ERGIC1: variants seen among roughly 807,000 people sequenced by gnomAD.
The protein encoded by ERGIC1 is endoplasmic reticulum-golgi intermediate compartment 1, also known as endoplasmic reticulum-Golgi intermediate compartment protein 1.
In ERGIC1, 19 loss-of-function variants were observed where a neutral mutation model predicts 38.3. That is an observed-to-expected ratio of 0.50 (90% CI 0.35 to 0.73). The LOEUF is 0.73. Ranked by LOEUF, ERGIC1 falls within the 30% of genes least tolerant of loss-of-function variation. The pLI is 0.01. For missense variants in ERGIC1, 294 were observed against 389.2 expected (o/e 0.76, Z 2.06); for synonymous variants, 124 against 157.6 (o/e 0.79, Z 1.60).
intron 1 of ERGIC1, among the ~76,000 whole-genome samples, chr5:172,878,633 G>A (rs771675370): frequency 6.6e-6 from 1 of 152,096 alleles, no homozygotes; most frequent in Non-Finnish European, 1.5e-5. Context: ...AGACAGAGAT[G>A]GACCTTTTTT....
In ERGIC1 at chr5:172,930,736, G is replaced by A. The variant is rs115595590; in HGVS notation, c.542-1700G>A. 2.6e-3 allele frequency among the ~76,000 whole-genome samples: 390 copies of A among 152,302 alleles called. 3 individuals carry two copies. The highest frequency in any genetic ancestry group is 8.5e-3 in the African/African-American group (353 of 41,560). On this transcript the variant is annotated intron_variant, in intron 7 of 9. Transcript: ENST00000393784. Reference sequence around the variant, plus strand: ...AAGTTTTTAACCTAGGGCAATGGGCGTTTGGACACCACTATCAAGCGTGGT... The same window carrying A: ...AAGTTTTTAACCTAGGGCAATGGGCATTTGGACACCACTATCAAGCGTGGT...
intron 1 of ERGIC1, among the ~76,000 whole-genome samples, chr5:172,842,395 G>C (rs1255956911): frequency 1.3e-5 from 2 of 152,144 alleles, no homozygotes; most frequent in African/African-American, 4.8e-5. Flanking sequence ...ATATTTCAAG[G>C]TGTATATATA....
chr5:172,884,258 T>TG (rs1488367030), intron 1 of ERGIC1, among the ~76,000 whole-genome samples: 20 of 147,422 alleles, frequency 1.4e-4, no homozygotes, highest in African/African-American at 4.6e-4. Flanking sequence ...TTTTTTTTTT[T>TG]TTTTTTTTTT....
chr5:172,868,303 C>G (rs1761921704), intron 1 of ERGIC1, among the ~76,000 whole-genome samples: 2 of 152,286 alleles, frequency 1.3e-5, no homozygotes, highest in Admixed American at 1.3e-4. Flanking sequence ...GCCCCTGGCT[C>G]TGAAAATCCG....
At chr5:172,867,101 T>G (rs970068859) in intron 1 of ERGIC1, 2 of 443,726 alleles carry the variant, frequency 4.5e-6, no homozygotes, top group Non-Finnish European at 4.6e-6. Context: ...AGACCTTGGC[T>G]TGGCTTCAGG....
chr5:172,949,934 G>A (rs927388879), intron 9 of ERGIC1, among the ~76,000 whole-genome samples: 2 of 152,128 alleles, frequency 1.3e-5, no homozygotes, highest in Admixed American at 6.6e-5. Context: ...TTAGCCAGGC[G>A]CGGTGGCAGG....
chr5:172,836,778 T>C (rs1232969213), intron 1 of ERGIC1, among the ~76,000 whole-genome samples: 2 of 152,164 alleles, frequency 1.3e-5, no homozygotes, highest in Non-Finnish European at 2.9e-5. Flanking sequence ...AGTGGGGGTG[T>C]GCGTGAACTG....
intron 7 of ERGIC1, among the ~76,000 whole-genome samples, chr5:172,930,052 G>T (rs1763740438): frequency 1.3e-5 from 2 of 152,022 alleles, no homozygotes; most frequent in Non-Finnish European, 1.5e-5. Context: ...GCCAGGCGTG[G>T]TGGCAGGCGC....
At position 172,944,422 on chromosome 5, in the gene ERGIC1, G is replaced by A. The variant is rs1274749768; in HGVS notation, c.766-6287G>A. 3.3e-5 allele frequency among the ~76,000 whole-genome samples: 5 copies of A among 151,740 alleles called. No homozygotes were observed. The East Asian group carries it at 7.8e-4, about 24-fold the overall frequency. ...TGCCCAGGCTGGTGTGCAGTGGCAC[G>A]ATCTTGGCTCACTGCAACCTCCACC... On this transcript the variant is annotated intron_variant, in intron 9 of 9. Transcript: ENST00000393784.
intron 7 of ERGIC1, among the ~76,000 whole-genome samples, chr5:172,931,515 A>T (rs534562445): frequency 3.9e-5 from 6 of 152,232 alleles, no homozygotes; most frequent in African/African-American, 1.4e-4. Context: ...TCTGCCGTTG[A>T]TTTCTTTCCC....
rs546024476 is a variant in ERGIC1, at chr5:172,847,760, G to A, written c.20+13327G>A. ...GATCCGTTGACCTCGTGGTCCACCCGCCTTGGCCTCCCAAAGTGCTGGGAT... is the reference window on the plus strand; with the variant it reads ...GATCCGTTGACCTCGTGGTCCACCCACCTTGGCCTCCCAAAGTGCTGGGAT... On this transcript the variant is annotated intron_variant, in intron 1 of 9. Transcript: ENST00000393784. 6.6e-5 allele frequency among the ~76,000 whole-genome samples: 10 copies of A among 152,328 alleles called. No individual in the cohort carries two copies. The South Asian group carries it at 1.7e-3, about 25-fold the overall frequency.
intron 9 of ERGIC1, among the ~76,000 whole-genome samples, chr5:172,941,977 T>A (rs1764020028): frequency 6.6e-6 from 1 of 152,026 alleles, no homozygotes; most frequent in African/African-American, 2.4e-5. Context: ...GAGGCCGAGG[T>A]GGGCGGATCA....
At chr5:172,853,713 G>T (rs148372883) in intron 1 of ERGIC1, among the ~76,000 whole-genome samples, 3 of 152,358 alleles carry the variant, frequency 2.0e-5, no homozygotes, top group Non-Finnish European at 2.9e-5. Flanking sequence ...AGAAGCAGGA[G>T]CCTTGGGCCT....
chr5:172,844,902 T>C (rs1761247392), intron 1 of ERGIC1, among the ~76,000 whole-genome samples: 1 of 152,242 alleles, frequency 6.6e-6, no homozygotes, highest in Admixed American at 6.5e-5. Flanking sequence ...AGGGCTATGC[T>C]GTGACAACAG....
Position 172,834,320 on chromosome 5 carries a change from G to T in ERGIC1, c.-94G>T. 1 of 1,133,922 alleles carries T rather than the reference G, an allele frequency of 8.8e-7. No individual in the cohort carries two copies. Among genetic ancestry groups the T allele is most frequent in the South Asian group, 4.3e-5 (1 of 23,430 alleles). 70.2% of individuals were successfully genotyped at this position (1,133,922 alleles called of 1,614,324 possible). On this transcript the variant is annotated 5_prime_UTR_variant, in exon 1 of 10. Coordinates refer to ENST00000393784, the MANE Select transcript of ERGIC1 (RefSeq NM_001031711.3). This position sits in a 1 kb window ranked among gnomAD's most constrained non-coding sequence, Gnocchi z 4.1. ...TGTCAGGGGGGCGGCCGGCGGGGGC[G>T]GGGCGGCCGGAGGAGGCGTTGGCAG...
intron 9 of ERGIC1, among the ~76,000 whole-genome samples, chr5:172,938,495 G>A (rs192964548): frequency 1.3e-5 from 2 of 152,310 alleles, no homozygotes; most frequent in Admixed American, 1.3e-4. Flanking sequence ...GCTTATGCCT[G>A]TAATCCCAGC....
At chr5:172,866,342 G>A (rs1010166060) in intron 1 of ERGIC1, among the ~76,000 whole-genome samples, 16 of 152,174 alleles carry the variant, frequency 1.1e-4, no homozygotes, top group Non-Finnish European at 2.4e-4. Context: ...CGCTGCCCTG[G>A]TTTTTCTCTC....
chr5:172,857,404 G>A (rs867660559), intron 1 of ERGIC1, among the ~76,000 whole-genome samples: 13 of 152,168 alleles, frequency 8.5e-5, no homozygotes, highest in African/African-American at 2.9e-4. Flanking sequence ...ATAAATATGC[G>A]TTCCTTCCTT....
chr5:172,859,719 GCTGCTATCCTCC>G (rs1761648738), intron 1 of ERGIC1, among the ~76,000 whole-genome samples: 3 of 152,212 alleles, frequency 2.0e-5, no homozygotes, highest in Admixed American at 6.5e-5. Flanking sequence ...TGCAGCCCTT[GCTGCTATCCTCC>G]GCAGGTGCCC....
Sources: gnomAD v4.1 joint callset for allele counts (sites outside exome capture counted in the v4.1 genomes callset) on GRCh38, gnomAD v4.1.1 for gene constraint, Gnocchi (gnomAD v3.1) non-coding constraint, MANE v1.5 for transcripts, NCBI Gene and HGNC (gene_info 2026-07-23, HGNC 2026-07-21) for gene names.